Variants in GALNTL6 observed in about 807,000 individuals in gnomAD.
GALNTL6 encodes the protein polypeptide N-acetylgalactosaminyltransferase like 6, also known as polypeptide N-acetylgalactosaminyltransferase-like 6.
In GALNTL6, 46 loss-of-function variants were observed where a neutral mutation model predicts 73.7. The observed-to-expected ratio is 0.62, with a 90% CI of 0.49 to 0.80. The LOEUF is 0.80. GALNTL6 is among the 30% of genes least tolerant of loss of function. The pLI, the probability that GALNTL6 is intolerant of heterozygous loss-of-function variation, is 0.00. For synonymous variants in GALNTL6, 259 were observed against 263.7 expected (o/e 0.98, Z 0.17); for missense variants, 604 against 755.0 (o/e 0.80, Z 2.34).
chr4:172,673,363 G>T (rs936509574), intron 5 of GALNTL6, among the ~76,000 whole-genome samples: 4 of 152,088 alleles, frequency 2.6e-5, no homozygotes, highest in African/African-American at 9.7e-5. Context: ...CGGTTCTTTT[G>T]CATTTGCTGA....
chr4:172,701,875 A>G (rs942401140), intron 5 of GALNTL6, among the ~76,000 whole-genome samples: 4 of 152,154 alleles, frequency 2.6e-5, no homozygotes, highest in Non-Finnish European at 5.9e-5. Context: ...CCATGCATAG[A>G]CTAATGAAAA....
At chr4:172,148,080 CAAAG>C (rs1424312138) in intron 2 of GALNTL6, among the ~76,000 whole-genome samples, 2 of 151,902 alleles carry the variant, frequency 1.3e-5, no homozygotes, top group East Asian at 3.9e-4. Flanking sequence ...TGGTATGACT[CAAAG>C]AATCACAAAA....
intron 10 of GALNTL6, among the ~76,000 whole-genome samples, chr4:172,998,891 C>G (rs1480656873): frequency 6.6e-6 from 1 of 151,644 alleles, no homozygotes; most frequent in Non-Finnish European, 1.5e-5. Flanking sequence ...TCATGTACTT[C>G]TATTATTTCA....
chr4:172,179,755 G>A (rs572584787), intron 2 of GALNTL6, among the ~76,000 whole-genome samples: 483 of 151,966 alleles, frequency 3.2e-3, no homozygotes, highest in South Asian at 9.2e-3. Context: ...GAATGGTCAT[G>A]CCTAGGTTTT....
At chr4:172,385,259 A>G (rs1743425852) in intron 5 of GALNTL6, among the ~76,000 whole-genome samples, 1 of 152,010 alleles carries the variant, frequency 6.6e-6, no homozygotes. Context: ...ATATTCTGCT[A>G]TGATTGCGTA....
At chr4:172,810,172 T>C (rs995207055) in intron 6 of GALNTL6, among the ~76,000 whole-genome samples, 2 of 152,186 alleles carry the variant, frequency 1.3e-5, no homozygotes, top group Admixed American at 6.5e-5. Context: ...AGGTGCTATG[T>C]CTTAAATGCT....
At chr4:172,798,049 G>A (rs1461248841) in intron 5 of GALNTL6, among the ~76,000 whole-genome samples, 1 of 152,114 alleles carries the variant, frequency 6.6e-6, no homozygotes, top group African/African-American at 2.4e-5. Flanking sequence ...GCAGCATTGG[G>A]TTTTACTGGG....
At chr4:171,857,817 G>A (rs1026477701) in intron 2 of GALNTL6, among the ~76,000 whole-genome samples, 6 of 152,168 alleles carry the variant, frequency 3.9e-5, no homozygotes, top group African/African-American at 1.4e-4. Context: ...GATGAAGCAA[G>A]AGAAATGCCC....
At chr4:171,923,786 C>CTGTGTGTGTGTGTGTGTGTGTGTGTG in intron 2 of GALNTL6, among the ~76,000 whole-genome samples, 1 of 133,294 alleles carries the variant, frequency 7.5e-6, no homozygotes, top group East Asian at 2.4e-4. Flanking sequence ...AAAAGTATTG[C>CTGTGTGTGTGTGTGTGTGTGTGTGTG]TGTGTGTGTG....
chr4:172,256,863 C>T (rs900925664), intron 3 of GALNTL6, among the ~76,000 whole-genome samples: 4 of 151,276 alleles, frequency 2.6e-5, no homozygotes, highest in African/African-American at 9.7e-5. Context: ...AGGCAGTGAC[C>T]CATTTGCTTC....
chr4:172,883,421 G>A (rs1214095139), intron 8 of GALNTL6, among the ~76,000 whole-genome samples: 1 of 152,114 alleles, frequency 6.6e-6, no homozygotes, highest in Non-Finnish European at 1.5e-5. Context: ...TTCTGGTAAG[G>A]GCTTCAGGAA....
intron 2 of GALNTL6, among the ~76,000 whole-genome samples, chr4:172,045,460 T>C (rs1742188800): frequency 6.6e-6 from 1 of 152,046 alleles, no homozygotes; most frequent in African/African-American, 2.4e-5. Context: ...ATCATAAACA[T>C]TATAAGTCAG....
At chr4:172,417,650 A>G (rs2111355015) in intron 5 of GALNTL6, among the ~76,000 whole-genome samples, 1 of 152,150 alleles carries the variant, frequency 6.6e-6, no homozygotes, top group South Asian at 2.1e-4. Context: ...CCCTGTCTCA[A>G]AAAAAATAAT....
At chr4:172,075,485 C>T (rs1731675104) in intron 2 of GALNTL6, among the ~76,000 whole-genome samples, 1 of 152,048 alleles carries the variant, frequency 6.6e-6, no homozygotes, top group Non-Finnish European at 1.5e-5. Flanking sequence ...CAGGCGCCTG[C>T]CACCAGGCCA....
intron 2 of GALNTL6, among the ~76,000 whole-genome samples, chr4:171,988,967 C>A (rs1012664825): frequency 1.3e-4 from 20 of 151,902 alleles, no homozygotes; most frequent in Non-Finnish European, 2.5e-4. Context: ...TAGGAATAGT[C>A]AGGGAAGCAG....
At chr4:172,850,040 C>G (rs1011147850) in intron 7 of GALNTL6, among the ~76,000 whole-genome samples, 4 of 152,144 alleles carry the variant, frequency 2.6e-5, no homozygotes, top group African/African-American at 9.7e-5. Flanking sequence ...ATTAATCTTA[C>G]TTGATCTGGC....
At chr4:172,418,254 A>G (rs1426395593) in intron 5 of GALNTL6, among the ~76,000 whole-genome samples, 1 of 152,192 alleles carries the variant, frequency 6.6e-6, no homozygotes, top group Non-Finnish European at 1.5e-5. Flanking sequence ...CATTACATTC[A>G]GCTTCTTCTA....
chr4:172,980,257 A>G (rs1751007704), intron 10 of GALNTL6, among the ~76,000 whole-genome samples: 1 of 152,260 alleles, frequency 6.6e-6, no homozygotes. Flanking sequence ...TAGGCACTGT[A>G]TGATACTTTT....
At chr4:171,986,855 G>A (rs1379838791) in intron 2 of GALNTL6, among the ~76,000 whole-genome samples, 3 of 152,214 alleles carry the variant, frequency 2.0e-5, no homozygotes, top group South Asian at 4.1e-4. Context: ...CCTGCCAGCA[G>A]AGATTATTTA....
Sources: gnomAD v4.1 joint callset for allele counts (sites outside exome capture counted in the v4.1 genomes callset) on GRCh38, gnomAD v4.1.1 for gene constraint, MANE v1.5 for transcripts, NCBI Gene and HGNC (gene_info 2026-07-23, HGNC 2026-07-21) for gene names.